EPB42: variants seen among roughly 807,000 people sequenced by gnomAD.
EPB42 encodes the protein protein 4.2.
EPB42 carries 49 observed loss-of-function variants against 76.9 expected under a neutral mutation model. That is an observed-to-expected ratio of 0.64 (90% CI 0.51 to 0.81). The LOEUF (loss-of-function observed/expected upper bound fraction) is 0.81. Ranked by LOEUF, EPB42 falls within the 30% of genes least tolerant of loss-of-function variation. The probability of loss-of-function intolerance (pLI) is 0.00; values close to 1 mark genes in which losing one functional copy is unlikely to be tolerated. For synonymous variants in EPB42, 310 were observed against 338.4 expected (o/e 0.92, Z 0.92); for missense variants, 731 against 867.6 (o/e 0.84, Z 1.98).
Position 43,220,939 on chromosome 15 carries a change from T to A in EPB42, c.-114A>T. The A allele has an allele frequency of 1.1e-6, 1 of 942,778 alleles. No homozygotes were observed. Among genetic ancestry groups the A allele is most frequent in the Non-Finnish European group, 1.7e-6 (1 of 591,504 alleles). 58.4% of individuals were successfully genotyped at this position (942,778 alleles called of 1,614,324 possible). A position where few individuals can be genotyped will look rare whatever the true frequency, so the allele number is the denominator to read the frequency against. ...TCCAGACAGAAAATATGAAGGCACTTTTGTTGGCTTAAGAATCTGGAAATA... is the reference window on the plus strand; with the variant it reads ...TCCAGACAGAAAATATGAAGGCACTATTGTTGGCTTAAGAATCTGGAAATA... On this transcript the variant is annotated 5_prime_UTR_variant, in exon 1 of 13. Coordinates refer to ENST00000441366, the MANE Select transcript of EPB42 (RefSeq NM_001114134.2).
At chr15:43,214,954 C>G in intron 3 of EPB42, 141 bp downstream of exon 3, 1 of 778,126 alleles carries the variant, frequency 1.3e-6, no homozygotes, top group Non-Finnish European at 2.2e-6. Flanking sequence ...GGAGAAAGCC[C>G]TGGCACAGAC....
chr15:43,221,056 G>A (rs2042455353), upstream of EPB42: 1 of 567,372 alleles, frequency 1.8e-6, no homozygotes, highest in South Asian at 2.0e-5. Context: ...CCAGTTACTG[G>A]GAGTAACCCT....
chr15:43,210,582 G>C (rs982547792), intron 4 of EPB42, 143 bp from the exon 5 acceptor site: 2 of 766,754 alleles, frequency 2.6e-6, no homozygotes, highest in African/African-American at 3.4e-5. Context: ...TGCCTCCCTT[G>C]CCTCATCCCT....
rs1159854296 is a variant in EPB42, at chr15:43,215,190, G to A, written c.335C>T (p.Ala112Val). The A allele has an allele frequency of 6.2e-7, 1 of 1,614,256 alleles. No individual in the cohort carries two copies. The change falls in exon 3 of 13, where the codon GCT (alanine) becomes GTT (valine). Residue 112 changes from alanine (A) to valine (V), a missense_variant. Coordinates refer to ENST00000441366, the MANE Select transcript of EPB42 (RefSeq NM_001114134.2). The part of the protein sequence containing the change: ...WTISVTTPAD[A>V]VIGHYSLLLQ... ...CAGAAGCGAGTAGTGGCCAATGACA[G>A]CGTCCGCAGGTGTGGTCACAGAGAT...
upstream of EPB42, among the ~76,000 whole-genome samples, chr15:43,221,380 T>G (rs116979815): frequency 4.8e-3 from 728 of 152,342 alleles, no homozygotes; most frequent in Admixed American, 5.2e-3. Context: ...ATCTGCAATT[T>G]ATCTGTGTGA....
chr15:43,207,247 C>A lies in EPB42; in HGVS notation c.1270G>T (p.Gly424Cys). 2.5e-6 allele frequency: 4 copies of A among 1,614,172 alleles called. No individual in the cohort carries two copies. The East Asian group carries it at 8.9e-5, about 36-fold the overall frequency. ...GTGATGTCCTCGCAGCGGTCACTGC[C>A]CACACCCTTGGTGCTGATGTTGTTG... ...VGNNISTKGV[G>C]SDRCEDITQN... Residue 424 changes from glycine to cysteine, a missense_variant, in exon 9 of 13, where the codon GGC becomes TGC. Physicochemically the swap from Gly to Cys is radical, Grantham distance 159 (BLOSUM62 -3). Transcript: ENST00000441366.
rs370209252 is a variant in EPB42, at chr15:43,215,265, C to A, written c.260G>T (p.Arg87Leu). 8.1e-6 allele frequency: 13 copies of A among 1,614,002 alleles called. No homozygotes were observed. The highest frequency in any genetic ancestry group is 1.1e-5 in the Non-Finnish European group (13 of 1,180,006). Residue 87 changes from arginine to leucine, a missense_variant, in exon 3 of 13, where the codon CGA (arginine) becomes CTA (leucine). Physicochemically the swap from Arg to Leu is moderately radical, Grantham distance 102. Coordinates refer to ENST00000441366, the MANE Select transcript of EPB42 (RefSeq NM_001114134.2). ...ATFPISSLGDRKWWSAVVEER... is the reference protein window; with the variant it reads ...ATFPISSLGDLKWWSAVVEER... ...CTCCACCACTGCACTCCACCACTTT[C>A]GGTCCCCCAGACTGGAAATTGGGAA...
At chr15:43,214,825 G>A (rs1049220658) in intron 3 of EPB42, among the ~76,000 whole-genome samples, 1 of 152,204 alleles carries the variant, frequency 6.6e-6, no homozygotes, top group Non-Finnish European at 1.5e-5. Flanking sequence ...AAAATAGCCT[G>A]AGCCAGCACC....
At position 43,206,161 on chromosome 15, in the gene EPB42, A is replaced by G. The variant is rs115743597; in HGVS notation, c.1618+169T>C. On this transcript the variant is annotated intron_variant, in intron 10 of 12. Transcript: ENST00000441366. This position sits in a 1 kb window ranked among gnomAD's most constrained non-coding sequence, Gnocchi z 4.7. ...GTGTTTTTTTCCTGCTTCAGGCCCA[A>G]TAAATATGTGTTGAATGAATGAATG... 2,052 of 713,328 alleles carry G rather than the reference A, an allele frequency of 2.9e-3. 39 individuals are homozygous for G. The African/African-American group carries it at 0.033, about 11-fold the overall frequency. 44.2% of individuals were successfully genotyped at this position (713,328 alleles called of 1,614,324 possible). A position where few individuals can be genotyped will look rare whatever the true frequency, so the allele number is the denominator to read the frequency against.
chr15:43,214,088 T>C (rs1437005488), intron 3 of EPB42, among the ~76,000 whole-genome samples: 3 of 152,206 alleles, frequency 2.0e-5, no homozygotes, highest in Admixed American at 1.3e-4. Flanking sequence ...TATGTACTCG[T>C]TTGATGTTGT....
upstream of EPB42, among the ~76,000 whole-genome samples, chr15:43,225,445 T>G (rs79347496): frequency 4.1e-3 from 629 of 152,336 alleles, 6 homozygotes; most frequent in African/African-American, 0.014. Context: ...GTTCTCCTTC[T>G]GGTTCTAGCA....
At chr15:43,219,435 G>C (rs187299660) in intron 1 of EPB42, among the ~76,000 whole-genome samples, 1 of 152,148 alleles carries the variant, frequency 6.6e-6, no homozygotes, top group Non-Finnish European at 1.5e-5. Context: ...ATTGGCTCTT[G>C]CAAGTCAGCA....
intron 12 of EPB42, among the ~76,000 whole-genome samples, chr15:43,199,218 T>C (rs983101449): frequency 6.6e-6 from 1 of 152,112 alleles, no homozygotes; most frequent in African/African-American, 2.4e-5. Flanking sequence ...ACTGTCTGCC[T>C]GGAAAAGCCA....
intron 10 of EPB42, among the ~76,000 whole-genome samples, chr15:43,204,422 G>T (rs1465298738): frequency 6.6e-6 from 1 of 151,974 alleles, no homozygotes; most frequent in Non-Finnish European, 1.5e-5. Flanking sequence ...CTGACTCTTT[G>T]TTGGCCCCCC....
chr15:43,202,032 C>T (rs975894774), intron 11 of EPB42, 55 bp from the exon 12 acceptor site: 2 of 1,612,136 alleles, frequency 1.2e-6, no homozygotes, highest in African/African-American at 1.3e-5. Context: ...TGCAGTCACT[C>T]TCTCCTCCCA....
At chr15:43,208,187 CTG>C in intron 8 of EPB42, 41 bp downstream of exon 8, 1 of 1,573,562 alleles carries the variant, frequency 6.4e-7, no homozygotes, top group East Asian at 2.2e-5. Flanking sequence ...GACTTCAGCT[CTG>C]TGCAGCCCTG....
At chr15:43,215,397 G>A (rs566970688) in intron 2 of EPB42, 69 bp from the exon 3 acceptor site, 51 of 1,511,552 alleles carry the variant, frequency 3.4e-5, no homozygotes, top group Non-Finnish European at 4.6e-5. Context: ...TAAGGTCAGG[G>A]TATTACAAAG....
intron 5 of EPB42, 105 bp from the exon 6 acceptor site, chr15:43,209,556 G>T: frequency 7.6e-7 from 1 of 1,308,858 alleles, no homozygotes; most frequent in South Asian, 1.4e-5. Context: ...ATGGTGAACA[G>T]ATCCCCAGCA....
intron 12 of EPB42, among the ~76,000 whole-genome samples, chr15:43,200,857 C>T (rs894569167): frequency 9.2e-5 from 14 of 151,808 alleles, no homozygotes; most frequent in East Asian, 1.9e-4. Flanking sequence ...CTCTTTCACC[C>T]GGGCTGGACT....
Sources: allele counts gnomAD v4.1 joint callset (sites outside exome capture counted in the v4.1 genomes callset), GRCh38; gene constraint gnomAD v4.1.1; non-coding constraint Gnocchi (gnomAD v3.1); transcripts MANE v1.5; gene names NCBI Gene and HGNC (gene_info 2026-07-23, HGNC 2026-07-21).